CRISPLD2: variants seen among roughly 807,000 people sequenced by gnomAD.
CRISPLD2 encodes the protein cysteine rich secretory protein LCCL domain containing 2, also known as cysteine-rich secretory protein LCCL domain-containing 2.
In CRISPLD2, 47 loss-of-function variants were observed where a neutral mutation model predicts 71.1. That is an observed-to-expected ratio of 0.66 (90% CI 0.52 to 0.84). The LOEUF (loss-of-function observed/expected upper bound fraction) is 0.84. CRISPLD2 is among the 40% of genes least tolerant of loss of function. CRISPLD2 has a pLI of 0.00. For synonymous variants in CRISPLD2, 317 were observed against 250.1 expected (o/e 1.27, Z -2.52); for missense variants, 830 against 651.1 (o/e 1.27, Z -2.99).
chr16:84,889,301 G>A lies in CRISPLD2; in HGVS notation c.1377G>A (p.Val459=). Residue 459 remains valine (V), a synonymous_variant, in exon 14 of 15, where the codon GTG becomes GTA. Coordinates refer to ENST00000262424, the MANE Select transcript of CRISPLD2 (RefSeq NM_031476.4). ...ACGAGAGTGGGGGTGACGTGGACGT[G>A]ATGCCCGTGGATAAAAAGAAGACCT... is the stretch of plus-strand genomic sequence containing the variant. ...ISNESGGDVD[V]MPVDKKKTYV... The A allele has an allele frequency of 6.2e-7, 1 of 1,614,132 alleles. No homozygotes were observed. Among genetic ancestry groups the A allele is most frequent in the South Asian group, 1.1e-5 (1 of 91,080 alleles).
At chr16:84,867,326 C>G (rs1255061689) in intron 7 of CRISPLD2, among the ~76,000 whole-genome samples, 1 of 152,202 alleles carries the variant, frequency 6.6e-6, no homozygotes, top group East Asian at 1.9e-4. Flanking sequence ...TCAAAAGGGA[C>G]CTGGGCTGAA....
chr16:84,836,227 G>C (rs1481246705), intron 1 of CRISPLD2: 2 of 152,194 alleles, frequency 1.3e-5, no homozygotes, highest in African/African-American at 4.8e-5. Context: ...AATCAGCGGA[G>C]CATCGTCATG....
At chr16:84,824,238 A>G (rs1193283871) in intron 1 of CRISPLD2, among the ~76,000 whole-genome samples, 2 of 152,182 alleles carry the variant, frequency 1.3e-5, no homozygotes, top group East Asian at 1.9e-4. Context: ...GTGTGCCTGT[A>G]GTCTACGAGC....
chr16:84,848,942 C>T (rs1266240237), intron 3 of CRISPLD2, among the ~76,000 whole-genome samples: 3 of 149,296 alleles, frequency 2.0e-5, no homozygotes, highest in Non-Finnish European at 4.4e-5. Flanking sequence ...GCCGAGATCC[C>T]GCCACTGCAC....
intron 11 of CRISPLD2, among the ~76,000 whole-genome samples, chr16:84,877,034 C>G (rs2071525160): frequency 6.6e-6 from 1 of 152,140 alleles, no homozygotes; most frequent in Non-Finnish European, 1.5e-5. Flanking sequence ...AGCTGGGCTC[C>G]CACCTCAGTC....
chr16:84,831,214 C>T (rs1159366158), intron 1 of CRISPLD2, among the ~76,000 whole-genome samples: 1 of 152,174 alleles, frequency 6.6e-6, no homozygotes, highest in African/African-American at 2.4e-5. Flanking sequence ...AGGATAACCT[C>T]GGTGTGAATC....
chr16:84,883,900 G>A (rs895236374), intron 13 of CRISPLD2, among the ~76,000 whole-genome samples: 1 of 147,982 alleles, frequency 6.8e-6, no homozygotes, highest in Admixed American at 6.9e-5. Context: ...CTGAAGTGCA[G>A]TGGCGTGACC....
chr16:84,858,688 A>G (rs1337204667), intron 6 of CRISPLD2, among the ~76,000 whole-genome samples: 2 of 152,348 alleles, frequency 1.3e-5, no homozygotes, highest in East Asian at 3.9e-4. Context: ...AGATTATGAC[A>G]CAAAGCTGGA....
In CRISPLD2 at chr16:84,850,655, G is replaced by A; in HGVS notation, c.580G>A (p.Val194Ile). The A allele has an allele frequency of 2.5e-6, 4 of 1,614,062 alleles. No homozygotes were observed. Among genetic ancestry groups the A allele is most frequent in the Non-Finnish European group, 3.4e-6 (4 of 1,179,952 alleles). Reference sequence around the variant, plus strand: ...CTGGGGAGAAGTTTGGGAGAACGCGGTCTACTTTGTCTGCAATTATTCTCC... The same window carrying A: ...CTGGGGAGAAGTTTGGGAGAACGCGATCTACTTTGTCTGCAATTATTCTCC... ...TVWGEVWENA[V>I]YFVCNYSPKG... Residue 194 changes from valine (V) to isoleucine (I), a missense_variant, in exon 5 of 15, where the codon GTC (valine) becomes ATC (isoleucine). Physicochemically the swap from Val to Ile is conservative, Grantham distance 29. Coordinates refer to ENST00000262424, the MANE Select transcript of CRISPLD2 (RefSeq NM_031476.4).
chr16:84,870,049 C>G (rs963842144), intron 8 of CRISPLD2, among the ~76,000 whole-genome samples: 2 of 152,182 alleles, frequency 1.3e-5, no homozygotes, highest in Non-Finnish European at 2.9e-5. Context: ...TGGGAGCATC[C>G]TCATTCTCTC....
chr16:84,845,682 C>T (rs1441617599), intron 2 of CRISPLD2, 104 bp from the exon 3 acceptor site: 4 of 788,674 alleles, frequency 5.1e-6, no homozygotes, highest in Non-Finnish European at 8.4e-6. Context: ...AGAGCATTGG[C>T]TGTAGGCTCC....
At chr16:84,857,541 C>T (rs1161440065) in intron 6 of CRISPLD2, among the ~76,000 whole-genome samples, 2 of 152,214 alleles carry the variant, frequency 1.3e-5, no homozygotes, top group African/African-American at 4.8e-5. Flanking sequence ...GGCCATTTCT[C>T]CTTCCATGCA....
In CRISPLD2 at chr16:84,825,333, C is replaced by A. The variant is rs180882690; in HGVS notation, c.-75+5200C>A. The stretch of plus-strand genomic sequence containing the variant: ...ACCTTAACACTTTGGGAGGTCTAGG[C>A]GGGAGGATTGCCTGAGCCCAGGAGT... On this transcript the variant is annotated intron_variant, in intron 1 of 14. Coordinates refer to ENST00000262424, the MANE Select transcript of CRISPLD2 (RefSeq NM_031476.4). 4.3e-4 allele frequency among the ~76,000 whole-genome samples: 65 copies of A among 152,170 alleles called. 1 individual carries two copies. Among genetic ancestry groups the A allele is most frequent in the African/African-American group, 1.3e-3 (54 of 41,514 alleles).
At chr16:84,857,656 T>C (rs550462693) in intron 6 of CRISPLD2, among the ~76,000 whole-genome samples, 1 of 152,330 alleles carries the variant, frequency 6.6e-6, no homozygotes, top group Admixed American at 6.5e-5. Context: ...CTGCCGCAGC[T>C]GTCCACTATC....
At chr16:84,825,562 C>T (rs1187648731) in intron 1 of CRISPLD2, among the ~76,000 whole-genome samples, 1 of 152,080 alleles carries the variant, frequency 6.6e-6, no homozygotes, top group East Asian at 1.9e-4. Context: ...TCGAGACCAG[C>T]CTGGCTAACA....
chr16:84,837,995 A>G (rs1272808381), intron 1 of CRISPLD2, among the ~76,000 whole-genome samples: 7 of 152,200 alleles, frequency 4.6e-5, no homozygotes, highest in African/African-American at 1.7e-4. Flanking sequence ...AGGGACTAGA[A>G]GTTTGCTCTC....
At chr16:84,856,695 C>T (rs1917249968) in intron 6 of CRISPLD2, among the ~76,000 whole-genome samples, 1 of 152,190 alleles carries the variant, frequency 6.6e-6, no homozygotes, top group African/African-American at 2.4e-5. Flanking sequence ...TTTGCCCCAG[C>T]CCTGCCAAGT....
chr16:84,870,312 A>G (rs559150519), intron 8 of CRISPLD2, among the ~76,000 whole-genome samples: 3 of 151,580 alleles, frequency 2.0e-5, no homozygotes, highest in South Asian at 4.2e-4. Context: ...AATGCTGCCC[A>G]TGTATTTTGT....
intron 13 of CRISPLD2, among the ~76,000 whole-genome samples, chr16:84,884,582 A>T (rs747869471): frequency 6.6e-6 from 1 of 152,152 alleles, no homozygotes; most frequent in Non-Finnish European, 1.5e-5. Context: ...GAGGAGAGGA[A>T]TTGGATGCCT....
Sources: gnomAD v4.1 joint callset for allele counts (sites outside exome capture counted in the v4.1 genomes callset) on GRCh38, gnomAD v4.1.1 for gene constraint, MANE v1.5 for transcripts, NCBI Gene and HGNC (gene_info 2026-07-23, HGNC 2026-07-21) for gene names.